Variants in RYR3 observed in about 807,000 individuals in gnomAD.
RYR3 encodes brain ryanodine receptor-calcium release channel.
RYR3 carries 207 observed loss-of-function variants against 584.3 expected under a neutral mutation model. The observed-to-expected ratio is 0.35, with a 90% CI of 0.32 to 0.40. The LOEUF (loss-of-function observed/expected upper bound fraction) is 0.40, where lower values mean the gene tolerates loss of function less well. Ranked by LOEUF, RYR3 falls within the 10% of genes least tolerant of loss-of-function variation. The probability of loss-of-function intolerance (pLI) is 1.00; values close to 1 mark genes in which losing one functional copy is unlikely to be tolerated. For missense variants in RYR3, 5,616 were observed against 6,089.2 expected (o/e 0.92, Z 2.59); for synonymous variants, 2,416 against 2,248.5 (o/e 1.07, Z -2.11).
chr15:33,537,373 T>G (rs1019181494), intron 5 of RYR3, among the ~76,000 whole-genome samples: 1 of 152,162 alleles, frequency 6.6e-6, no homozygotes, highest in African/African-American at 2.4e-5. Flanking sequence ...TTTTTTAGTT[T>G]GTTTGTTTGT....
At chr15:33,797,523 G>T (rs2075694106) in intron 67 of RYR3, among the ~76,000 whole-genome samples, 1 of 152,000 alleles carries the variant, frequency 6.6e-6, no homozygotes. Flanking sequence ...GTTTTTCATT[G>T]CACTTACCAC....
chr15:33,528,144 TA>T (rs1250602138), intron 3 of RYR3, among the ~76,000 whole-genome samples: 1 of 152,170 alleles, frequency 6.6e-6, no homozygotes, highest in East Asian at 1.9e-4. Context: ...GTTCCCTTTC[TA>T]AGGTACAATT....
At chr15:33,358,068 C>G (rs974147849) in intron 1 of RYR3, among the ~76,000 whole-genome samples, 16 of 152,234 alleles carry the variant, frequency 1.1e-4, no homozygotes, top group African/African-American at 3.6e-4. Context: ...TTACTTTCTT[C>G]TAAGCTGGTA....
At chr15:33,772,831 A>G (rs982550347) in intron 63 of RYR3, among the ~76,000 whole-genome samples, 1 of 152,044 alleles carries the variant, frequency 6.6e-6, no homozygotes, top group Non-Finnish European at 1.5e-5. Context: ...GAACATCCAA[A>G]CTCATTATTT....
intron 48 of RYR3, among the ~76,000 whole-genome samples, chr15:33,733,371 GATAA>G (rs946073319): frequency 5.3e-5 from 8 of 152,166 alleles, no homozygotes; most frequent in Non-Finnish European, 1.2e-4. Context: ...TGGGCGAATG[GATAA>G]ATAAACTGTG....
chr15:33,837,055 C>A, intron 88 of RYR3, 68 bp downstream of exon 88: 2 of 1,247,440 alleles, frequency 1.6e-6, no homozygotes, highest in South Asian at 1.3e-5. Flanking sequence ...CCTTACTGAT[C>A]ATGCAGATTA....
intron 99 of RYR3, among the ~76,000 whole-genome samples, chr15:33,858,440 C>T (rs2079948556): frequency 6.6e-6 from 1 of 152,142 alleles, no homozygotes; most frequent in Non-Finnish European, 1.5e-5. Context: ...CTCCCGACCT[C>T]AGGTGATCTG....
intron 102 of RYR3, among the ~76,000 whole-genome samples, chr15:33,862,180 TC>T (rs1888500924): frequency 2.0e-5 from 3 of 151,296 alleles, no homozygotes; most frequent in Non-Finnish European, 4.4e-5. Flanking sequence ...GCCTAGCTCT[TC>T]CCCCTTCTCT....
intron 60 of RYR3, among the ~76,000 whole-genome samples, chr15:33,766,157 C>T (rs778286580): frequency 2.6e-5 from 4 of 152,054 alleles, no homozygotes; most frequent in Non-Finnish European, 4.4e-5. Flanking sequence ...GTGGCACGCA[C>T]CTGTAGTCCC....
rs115659300 is a variant in RYR3, at chr15:33,363,646, C to A, written c.51+52550C>A. Among the ~76,000 whole-genome samples the A allele has an allele frequency of 9.6e-3, 1,455 of 152,200 alleles. 25 individuals are homozygous for A. The highest frequency in any genetic ancestry group is 0.033 in the African/African-American group (1,367 of 41,510). Reference sequence around the variant, plus strand: ...ATTTAAAGGAATTACTGAGTACAAGCTTTTTGTCAATTTGCAGGTTGCCAA... The same window carrying A: ...ATTTAAAGGAATTACTGAGTACAAGATTTTTGTCAATTTGCAGGTTGCCAA... On this transcript the variant is annotated intron_variant, in intron 1 of 103. Transcript: ENST00000634891.
rs960310575 is a variant in RYR3 at position 33,818,684 on chromosome 15, G to A, written c.10706G>A (p.Ser3569Asn). ...YFSRNALTERSKLEDDPLYTS... is the reference protein window; with the variant it reads ...YFSRNALTERNKLEDDPLYTS... ...AGCCGCAACGCTCTCACGGAGAGGA[G>A]GTCAGAACCACCAGCTCACCTGCTT... The change falls in exon 76 of 104, where the codon AGC (serine) becomes AAC (asparagine). Residue 3569 changes from serine to asparagine, a missense_variant and splice_region_variant. Ser to Asn is a conservative substitution (Grantham distance 46). This residue lies in a region of RYR3 where 954 missense variants were observed against 1,132.2 expected (regional missense o/e 0.84). Transcript: ENST00000634891. 6.2e-7 allele frequency: 1 copy of A among 1,610,054 alleles called. No individual in the cohort carries two copies. The highest frequency in any genetic ancestry group is 8.5e-7 in the Non-Finnish European group (1 of 1,176,918).
chr15:33,659,695 G>T, intron 32 of RYR3, 25 bp from the exon 33 acceptor site: 1 of 1,536,532 alleles, frequency 6.5e-7, no homozygotes. Flanking sequence ...TCTGGGCAAA[G>T]CTTTCGATTT....
At position 33,603,167 on chromosome 15, in the gene RYR3, A is replaced by C. The variant is rs1439818677; in HGVS notation, c.1967A>C (p.Gln656Pro). 1 of 1,613,942 alleles carries C rather than the reference A, an allele frequency of 6.2e-7. No individual in the cohort carries two copies. Among genetic ancestry groups the C allele is most frequent in the Non-Finnish European group, 8.5e-7 (1 of 1,179,838 alleles). Residue 656 changes from glutamine (Q) to proline (P), a missense_variant, in exon 18 of 104, where the codon CAG becomes CCG. Coordinates refer to ENST00000634891, the MANE Select transcript of RYR3 (RefSeq NM_001036.6). ...CTGGGAGTCGCGGAGGGCTCAGCCC[A>C]GTACAAGAAGTGGTACTTCGAGCTG... ...IFLGVAEGSAQYKKWYFELII... is the reference protein window; with the variant it reads ...IFLGVAEGSAPYKKWYFELII...
intron 43 of RYR3, among the ~76,000 whole-genome samples, chr15:33,708,720 T>C (rs56701853): frequency 0.22 from 32,897 of 152,170 alleles, 3,654 homozygotes; most frequent in Middle Eastern, 0.28. Flanking sequence ...TAAAATTTTC[T>C]TTTTAATTCT....
intron 1 of RYR3, among the ~76,000 whole-genome samples, chr15:33,384,468 A>T (rs539275568): frequency 5.1e-5 from 6 of 117,012 alleles, no homozygotes; most frequent in Non-Finnish European, 9.0e-5. Context: ...ATATTATATT[A>T]TAATATTATA....
In RYR3 at chr15:33,859,548, T is replaced by G. The variant is rs1403688244; in HGVS notation, c.14143-27T>G. 39 of 1,613,042 alleles carry G rather than the reference T, an allele frequency of 2.4e-5. No individual in the cohort carries two copies. In the Admixed American group the frequency reaches 6.3e-4, roughly 26 times the overall value. On this transcript the variant is annotated intron_variant, in intron 99 of 103. Transcript: ENST00000634891. ...TAAAAACAGAACTGTGACTTTTGCC[T>G]AAATCCCCCTTATTTTTCTTCTCTA... is the stretch of plus-strand genomic sequence containing the variant.
In RYR3 at chr15:33,837,815, G is replaced by T. The variant is rs1036294556; in HGVS notation, c.11835G>T (p.Gln3945His). 2 of 1,613,976 alleles carry T rather than the reference G, an allele frequency of 1.2e-6. No homozygotes were observed. The highest frequency in any genetic ancestry group is 3.3e-5 in the Admixed American group (2 of 60,020). ...GAATTATCTCCAAAAAAGAATTCCAGAAGGCCATGGAAGGGCAAAAACAGT... is the reference window on the plus strand; with the variant it reads ...GAATTATCTCCAAAAAAGAATTCCATAAGGCCATGGAAGGGCAAAAACAGT... Reference protein sequence around the residue: ...GKGIISKKEFQKAMEGQKQYT... With the variant: ...GKGIISKKEFHKAMEGQKQYT... Residue 3945 changes from glutamine (Q) to histidine (H), a missense_variant, in exon 89 of 104, where the codon CAG (glutamine) becomes CAT (histidine). Physicochemically the swap from Gln to His is conservative, Grantham distance 24. Around this residue, in one of 9 missense-constraint regions of RYR3, gnomAD observed 258 missense variants for 297.3 expected, o/e 0.87. Transcript: ENST00000634891.
rs1013298344 is a variant in RYR3, at chr15:33,775,081, A to G, written c.9137+1466A>G. ...AACTCTGAAGTGTCAGACCAGAAAA[A>G]GACTGCTCTTCATGTGACTTTCTAT... On this transcript the variant is annotated intron_variant, in intron 64 of 103. Coordinates refer to ENST00000634891, the MANE Select transcript of RYR3 (RefSeq NM_001036.6). Among the ~76,000 whole-genome samples the G allele has an allele frequency of 5.3e-5, 8 of 151,992 alleles. No individual in the cohort carries two copies. In the South Asian group the frequency reaches 8.3e-4, roughly 16 times the overall value.
At chr15:33,572,114 A>G (rs2058057239) in intron 12 of RYR3, among the ~76,000 whole-genome samples, 1 of 152,172 alleles carries the variant, frequency 6.6e-6, no homozygotes, top group African/African-American at 2.4e-5. Flanking sequence ...ATTGCCACAT[A>G]TATTATATCT....
Sources: gnomAD v4.1 joint callset for allele counts (sites outside exome capture counted in the v4.1 genomes callset) on GRCh38, gnomAD v4.1.1 for gene constraint, gnomAD v4.1.1 regional missense constraint, MANE v1.5 for transcripts, NCBI Gene and HGNC (gene_info 2026-07-23, HGNC 2026-07-21) for gene names.